Variants in SLC2A10 observed in about 807,000 individuals in gnomAD.
SLC2A10 encodes solute carrier family 2 member 10.
SLC2A10 carries 25 observed loss-of-function variants against 32.1 expected under a neutral mutation model. That is an observed-to-expected ratio of 0.78 (90% CI 0.57 to 1.09). The LOEUF is 1.09. Ranked by LOEUF, SLC2A10 falls within the 50% of genes least tolerant of loss-of-function variation. The pLI is 0.00. For synonymous variants in SLC2A10, 332 were observed against 309.6 expected (o/e 1.07, Z -0.76); for missense variants, 673 against 686.5 (o/e 0.98, Z 0.22).
intron 1 of SLC2A10, among the ~76,000 whole-genome samples, chr20:46,718,017 T>C (rs574934699): frequency 1.3e-5 from 2 of 151,868 alleles, no homozygotes; most frequent in Admixed American, 1.3e-4. Flanking sequence ...AGCCCAGGAG[T>C]TCGAGACCAG....
chr20:46,722,044 T>C (rs11086177), intron 1 of SLC2A10, among the ~76,000 whole-genome samples: 23,056 of 152,228 alleles, frequency 0.15, 3,106 homozygotes, highest in African/African-American at 0.35. Context: ...GTGTTTTGTC[T>C]GACTCAAAGA....
chr20:46,721,045 ATGT>A (rs1243113906), intron 1 of SLC2A10, among the ~76,000 whole-genome samples: 1 of 152,140 alleles, frequency 6.6e-6, no homozygotes, highest in Non-Finnish European at 1.5e-5. Flanking sequence ...CAGTTTTTCC[ATGT>A]GACAGTGTAG....
At chr20:46,713,203 T>C (rs1017316395) in intron 1 of SLC2A10, among the ~76,000 whole-genome samples, 1 of 152,148 alleles carries the variant, frequency 6.6e-6, no homozygotes, top group Admixed American at 6.5e-5. Flanking sequence ...CCACTCCTGT[T>C]CCCTTGAGGC....
Position 46,725,054 on chromosome 20 carries a change from T to C in SLC2A10, c.18T>C (p.Pro6=), listed in dbSNP as rs1414654111. 6.2e-7 allele frequency: 1 copy of C among 1,614,262 alleles called. No homozygotes were observed. The highest frequency in any genetic ancestry group is 1.7e-5 in the Admixed American group (1 of 60,028). Residue 6 remains proline (P), a synonymous_variant, in exon 2 of 5, where the codon CCT becomes CCC. Transcript: ENST00000359271. ...TTTGTTTTTTAGGCCACTCCCCACCTGTCCTGCCTTTGTGTGCCTCTGTGT... is the reference window on the plus strand; with the variant it reads ...TTTGTTTTTTAGGCCACTCCCCACCCGTCCTGCCTTTGTGTGCCTCTGTGT... The part of the protein sequence containing the change: MGHSP[P]VLPLCASVSL...
intron 1 of SLC2A10, among the ~76,000 whole-genome samples, chr20:46,719,827 T>C (rs1979450616): frequency 6.6e-6 from 1 of 152,228 alleles, no homozygotes; most frequent in African/African-American, 2.4e-5. Context: ...CTGAGCCTCC[T>C]TTCTCTACTG....
chr20:46,731,424 T>C (rs764764730), intron 4 of SLC2A10, among the ~76,000 whole-genome samples: 3 of 152,118 alleles, frequency 2.0e-5, no homozygotes, highest in Non-Finnish European at 4.4e-5. Context: ...AAATCGAGGG[T>C]TCTGTTACTA....
Position 46,725,899 on chromosome 20 carries a change from T to C in SLC2A10, c.863T>C (p.Met288Thr). 6.2e-7 allele frequency: 1 copy of C among 1,614,142 alleles called. No individual in the cohort carries two copies. The highest frequency in any genetic ancestry group is 1.3e-5 in the African/African-American group (1 of 75,060). Residue 288 changes from methionine to threonine, a missense_variant, in exon 2 of 5, where the codon ATG becomes ACG. Transcript: ENST00000359271. ...AAGGTGGCAGCTACCCTGACCGCCA[T>C]GGGGCTGGTGGACCGTGCAGGCCGC... ...AVKVAATLTA[M>T]GLVDRAGRRA...
At chr20:46,715,064 C>T (rs1204136258) in intron 1 of SLC2A10, among the ~76,000 whole-genome samples, 1 of 152,100 alleles carries the variant, frequency 6.6e-6, no homozygotes, top group Non-Finnish European at 1.5e-5. Context: ...CCTGTTGCTT[C>T]CTAGCTGTGA....
Position 46,725,579 on chromosome 20 carries a change from C to T in SLC2A10, c.543C>T (p.Ser181=). 3 of 1,614,204 alleles carry T rather than the reference C, an allele frequency of 1.9e-6. No individual in the cohort carries two copies. The highest frequency in any genetic ancestry group is 2.5e-6 in the Non-Finnish European group (3 of 1,180,020). Reference sequence around the variant, plus strand: ...CACCTGCTGTCCTGCAATCCCTCAGCCTCCTCTTCCTCCCTGCTGGTACAG... The same window carrying T: ...CACCTGCTGTCCTGCAATCCCTCAGTCTCCTCTTCCTCCCTGCTGGTACAG... ...ATAPAVLQSL[S]LLFLPAGTDE... is the part of the protein sequence containing the mutation. Residue 181 remains serine, a synonymous_variant, in exon 2 of 5, where the codon AGC becomes AGT. Transcript: ENST00000359271.
At chr20:46,708,800 T>G (rs1441859356), upstream of SLC2A10, among the ~76,000 whole-genome samples, 1 of 152,146 alleles carries the variant, frequency 6.6e-6, no homozygotes, top group African/African-American at 2.4e-5. Flanking sequence ...TCTCCCTGTC[T>G]TCTCCTCTGC....
chr20:46,725,319 G>C lies in SLC2A10; in HGVS notation c.283G>C (p.Ala95Pro). ...GGCAGGCAGCCTGACCCTGGGCCTGGCTGGTTCCCTGGCCTGGCTGGTCCT... is the reference window on the plus strand; with the variant it reads ...GGCAGGCAGCCTGACCCTGGGCCTGCCTGGTTCCCTGGCCTGGCTGGTCCT... The part of the protein sequence containing the change: ...LLAGSLTLGL[A>P]GSLAWLVLGR... The change falls in exon 2 of 5, where the codon GCT becomes CCT. Residue 95 changes from alanine to proline, a missense_variant. Ala to Pro is a conservative substitution (Grantham distance 27). Transcript: ENST00000359271. 1 of 1,614,078 alleles carries C rather than the reference G, an allele frequency of 6.2e-7. No individual in the cohort carries two copies. The highest frequency in any genetic ancestry group is 2.2e-5 in the East Asian group (1 of 44,866).
chr20:46,710,269 A>G (rs1978833658), intron 1 of SLC2A10: 1 of 385,406 alleles, frequency 2.6e-6, no homozygotes, highest in Non-Finnish European at 4.6e-6. Flanking sequence ...CGCGTGGGGA[A>G]TGGCTTTGTT....
At chr20:46,714,029 G>A (rs187570354) in intron 1 of SLC2A10, among the ~76,000 whole-genome samples, 195 of 152,164 alleles carry the variant, frequency 1.3e-3, no homozygotes, top group Non-Finnish European at 1.5e-3. Context: ...AAGGGTACTT[G>A]GGTACTGAGA....
At chr20:46,720,531 G>A (rs1979490597) in intron 1 of SLC2A10, among the ~76,000 whole-genome samples, 1 of 152,030 alleles carries the variant, frequency 6.6e-6, no homozygotes, top group African/African-American at 2.4e-5. Context: ...GGTCCATTTG[G>A]ATATAAATTA....
At chr20:46,719,492 C>T (rs141927032) in intron 1 of SLC2A10, among the ~76,000 whole-genome samples, 118 of 152,222 alleles carry the variant, frequency 7.8e-4, no homozygotes, top group African/African-American at 2.7e-3. Context: ...CTTTACATGG[C>T]GGCAGGCAAG....
chr20:46,731,703 T>A (rs1980308002), intron 4 of SLC2A10, among the ~76,000 whole-genome samples: 1 of 152,088 alleles, frequency 6.6e-6, no homozygotes, highest in African/African-American at 2.4e-5. Context: ...GAGGCAGGTC[T>A]GTGTTTTATC....
At position 46,717,095 on chromosome 20, in the gene SLC2A10, C is replaced by T. The variant is rs1309983975; in HGVS notation, c.4+7355C>T. On this transcript the variant is annotated intron_variant, in intron 1 of 4. Coordinates refer to ENST00000359271, the MANE Select transcript of SLC2A10 (RefSeq NM_030777.4). ...GGGCTCATTTTCTACATGTGGTTGG[C>T]TAGTGACTATCATATTGCACAGCAT... Among the ~76,000 whole-genome samples, 3 of 152,160 alleles carry T rather than the reference C, an allele frequency of 2.0e-5. No individual in the cohort carries two copies. In the South Asian group the frequency reaches 6.2e-4, roughly 32 times the overall value.
At chr20:46,723,365 C>T (rs1262999215) in intron 1 of SLC2A10, among the ~76,000 whole-genome samples, 1 of 152,132 alleles carries the variant, frequency 6.6e-6, no homozygotes, top group Non-Finnish European at 1.5e-5. Flanking sequence ...AAAAAACTCC[C>T]TCTTCCATCT....
intron 1 of SLC2A10, among the ~76,000 whole-genome samples, chr20:46,712,651 C>CTTTTTTTTTTTTTTTTTTTTTTTT (rs11477202): frequency 7.4e-5 from 7 of 94,424 alleles, no homozygotes; most frequent in African/African-American, 1.2e-4. Context: ...TTCTTTCTTT[C>CTTTTTTTTTTTTTTTTTTTTTTTT]TTTTTTTTTT....
Sources: allele counts gnomAD v4.1 joint callset (sites outside exome capture counted in the v4.1 genomes callset), GRCh38; gene constraint gnomAD v4.1.1; transcripts MANE v1.5; gene names NCBI Gene and HGNC (gene_info 2026-07-23, HGNC 2026-07-21).